SLC41A3: variants seen among roughly 807,000 people sequenced by gnomAD.
SLC41A3 encodes solute carrier family 41 member 3.
In SLC41A3, 44 loss-of-function variants were observed where a neutral mutation model predicts 45.4. That is an observed-to-expected ratio of 0.97 (90% CI 0.76 to 1.25). The LOEUF is 1.25. Ranked by LOEUF, SLC41A3 falls within the 50% of genes most tolerant of loss-of-function variation. The pLI is 0.00. For missense variants in SLC41A3, 550 were observed against 600.6 expected (o/e 0.92, Z 0.88); for synonymous variants, 256 against 252.4 (o/e 1.01, Z -0.13).
At chr3:126,082,741 C>A (rs1945225615) in intron 1 of SLC41A3, among the ~76,000 whole-genome samples, 1 of 152,250 alleles carries the variant, frequency 6.6e-6, no homozygotes. Flanking sequence ...GCGAACACAT[C>A]CTGCCCGGGG....
chr3:126,009,541 CAT>C (rs1360519610), intron 9 of SLC41A3, among the ~76,000 whole-genome samples: 5 of 152,122 alleles, frequency 3.3e-5, no homozygotes, highest in Non-Finnish European at 1.5e-5. Flanking sequence ...AAAATTCTAA[CAT>C]GAATATGATT....
At chr3:126,092,369 G>A (rs970756511) in intron 1 of SLC41A3, among the ~76,000 whole-genome samples, 3 of 152,254 alleles carry the variant, frequency 2.0e-5, no homozygotes, top group Middle Eastern at 3.4e-3. Flanking sequence ...CCTTTATTTC[G>A]GCCCATCCCT....
At position 126,068,069 on chromosome 3, in the gene SLC41A3, TG is replaced by T; in HGVS notation, c.150del (p.Lys51SerfsTer15). The T allele has an allele frequency of 1.2e-6, 2 of 1,613,778 alleles. No homozygotes were observed. Among genetic ancestry groups the T allele is most frequent in the Non-Finnish European group, 1.7e-6 (2 of 1,179,920 alleles). Reference protein sequence around the residue: ...LRAPESQSVTPKPLETEPSRE... With the variant: ...LRAPESQSVTXKPLETEPSRE... ...CTGCTAGGCTCAGTCTCCAGTGGCT[TG>T]GGGGTCACGCTTTGGCTCTCAGGGG... On this transcript the variant is annotated frameshift_variant, in exon 2 of 11. Transcript: ENST00000360370. LOFTEE classifies it high-confidence loss of function.
At chr3:126,093,100 G>A (rs1280891558) in intron 1 of SLC41A3, among the ~76,000 whole-genome samples, 1 of 152,100 alleles carries the variant, frequency 6.6e-6, no homozygotes, top group Non-Finnish European at 1.5e-5. Context: ...ATAGAGGCTT[G>A]GCAGTTCCCT....
At chr3:126,090,001 G>A (rs1262032090) in intron 1 of SLC41A3, among the ~76,000 whole-genome samples, 1 of 141,468 alleles carries the variant, frequency 7.1e-6, no homozygotes, top group Non-Finnish European at 1.5e-5. Flanking sequence ...AAAAGATGCT[G>A]CTCTAGTTAA....
At chr3:126,075,059 C>A (rs779032066) in intron 1 of SLC41A3, among the ~76,000 whole-genome samples, 1 of 152,142 alleles carries the variant, frequency 6.6e-6, no homozygotes, top group Non-Finnish European at 1.5e-5. Flanking sequence ...ATCCTCCCAC[C>A]TCAGCCTCCT....
intron 2 of SLC41A3, among the ~76,000 whole-genome samples, chr3:126,052,963 G>A (rs547578150): frequency 2.8e-4 from 42 of 152,318 alleles, no homozygotes; most frequent in African/African-American, 7.5e-4. Flanking sequence ...GGAAGACGGC[G>A]GGGGAAGCTG....
intron 9 of SLC41A3, among the ~76,000 whole-genome samples, chr3:126,009,252 G>A (rs1000448016): frequency 6.6e-6 from 1 of 152,218 alleles, no homozygotes; most frequent in Non-Finnish European, 1.5e-5. Context: ...GAATTTGGGG[G>A]AGAGGAGTTT....
At chr3:126,055,555 G>A (rs1943602403) in intron 2 of SLC41A3, among the ~76,000 whole-genome samples, 1 of 152,160 alleles carries the variant, frequency 6.6e-6, no homozygotes, top group Admixed American at 6.5e-5. Flanking sequence ...AACCATATAT[G>A]TATATGTTTA....
Position 126,067,982 on chromosome 3 carries a change from G to A in SLC41A3, c.238C>T (p.Leu80=). The A allele has an allele frequency of 6.2e-7, 1 of 1,613,484 alleles. No homozygotes were observed. The highest frequency in any genetic ancestry group is 8.5e-7 in the Non-Finnish European group (1 of 1,179,728). ...TCCAGAAGCATGCCGGCCCAGGACA[G>A]TCCCAGGCCTGCAAACATGAAGGGC... The part of the protein sequence containing the change: ...TVPFMFAGLG[L]SWAGMLLDYF... The change falls in exon 2 of 11, where the codon CTG becomes TTG. Residue 80 remains leucine (L), a synonymous_variant. Transcript: ENST00000360370.
At chr3:126,018,232 A>G (rs940528339) in intron 6 of SLC41A3, among the ~76,000 whole-genome samples, 3 of 152,226 alleles carry the variant, frequency 2.0e-5, no homozygotes, top group East Asian at 1.9e-4. Context: ...TGTCTAAATC[A>G]TAAGTCATGT....
rs762898319 is a variant in SLC41A3 at position 126,016,861 on chromosome 3, T to G, written c.760A>C (p.Thr254Pro). The G allele has an allele frequency of 5.3e-5, 85 of 1,612,386 alleles. No homozygotes were observed. The highest frequency in any genetic ancestry group is 7.0e-5 in the Non-Finnish European group (83 of 1,179,874). The stretch of plus-strand genomic sequence containing the variant: ...GCAAAGCTGAGGCAGACCAGCGGCG[T>G]CAGATACCGACTATCTGAAAGGAGA... ...FYRHKDSRYL[T>P]PLVCLSFAAL... Residue 254 changes from threonine to proline, a missense_variant, in exon 7 of 11, where the codon ACG becomes CCG. Physicochemically the swap from Thr to Pro is conservative, Grantham distance 38. Transcript: ENST00000360370.
At chr3:126,038,365 T>C (rs1274827563) in intron 3 of SLC41A3, among the ~76,000 whole-genome samples, 1 of 152,176 alleles carries the variant, frequency 6.6e-6, no homozygotes, top group Non-Finnish European at 1.5e-5. Context: ...GGCACTCAAT[T>C]CCCACTATGA....
chr3:126,084,483 A>G (rs1347484726), upstream of SLC41A3: 2 of 152,340 alleles, frequency 1.3e-5, no homozygotes, highest in South Asian at 4.1e-4. Flanking sequence ...CCGACAGCCA[A>G]CTTCCCTTGG....
At chr3:126,067,448 A>G (rs1944406882) in intron 2 of SLC41A3, 1 of 242,384 alleles carries the variant, frequency 4.1e-6, no homozygotes, top group Non-Finnish European at 8.5e-6. Context: ...CCTCTTAGGA[A>G]GAGGGATTAG....
intron 2 of SLC41A3, among the ~76,000 whole-genome samples, chr3:126,064,611 T>C (rs574595068): frequency 6.6e-6 from 1 of 152,222 alleles, no homozygotes; most frequent in Admixed American, 6.5e-5. Context: ...TAAAACAGGC[T>C]GCTCTCACCT....
intron 1 of SLC41A3, among the ~76,000 whole-genome samples, chr3:126,098,950 A>AT (rs1282718899): frequency 4.0e-5 from 3 of 75,334 alleles, no homozygotes; most frequent in Non-Finnish European, 5.4e-5. Flanking sequence ...TTTTTTTTGT[A>AT]TTTTTTTGTA....
At chr3:126,032,595 G>A (rs928681555) in intron 4 of SLC41A3, among the ~76,000 whole-genome samples, 6 of 152,208 alleles carry the variant, frequency 3.9e-5, no homozygotes, top group African/African-American at 1.4e-4. Flanking sequence ...CCCAAAGTGA[G>A]CTTTCAACCA....
chr3:126,060,946 G>A (rs1418990664), intron 2 of SLC41A3, among the ~76,000 whole-genome samples: 1 of 152,198 alleles, frequency 6.6e-6, no homozygotes, highest in Non-Finnish European at 1.5e-5. Context: ...AGGCCGCCCA[G>A]GCTCCACAAA....
Sources: gnomAD v4.1 joint callset for allele counts (sites outside exome capture counted in the v4.1 genomes callset) on GRCh38, gnomAD v4.1.1 for gene constraint, MANE v1.5 for transcripts, NCBI Gene and HGNC (gene_info 2026-07-23, HGNC 2026-07-21) for gene names.